The following NLRP11 variants were observed in gnomAD, a reference collection of about 807,000 sequenced individuals.
NLRP11 encodes NLR family pyrin domain containing 11.
In NLRP11, 53 loss-of-function variants were observed where a neutral mutation model predicts 79.3. That is an observed-to-expected ratio of 0.67 (90% CI 0.54 to 0.84). The LOEUF (loss-of-function observed/expected upper bound fraction) is 0.84, where lower values mean the gene tolerates loss of function less well. NLRP11 is among the 40% of genes least tolerant of loss of function. NLRP11 has a pLI of 0.00. For synonymous variants in NLRP11, 518 were observed against 462.6 expected (o/e 1.12, Z -1.54); for missense variants, 1,264 against 1,255.0 (o/e 1.01, Z -0.11).
chr19:55,823,086 C>T lies in NLRP11; in HGVS notation c.-62-4850G>A, dbSNP rs550640371. On this transcript the variant is annotated intron_variant, in intron 1 of 9. Coordinates refer to ENST00000589093, the Ensembl canonical transcript of NLRP11. ...GATCTGAGAACCAGCAGACTGCCTC[C>T]TCAAGTGGGTCCCTGACCCCTGACC... is the stretch of plus-strand genomic sequence containing the variant. Among the ~76,000 whole-genome samples the T allele has an allele frequency of 1.6e-4, 24 of 147,858 alleles. 3 individuals carry two copies. The highest frequency in any genetic ancestry group is 5.7e-4 in the African/African-American group (22 of 38,922).
chr19:55,810,373 C>T (rs766722780), intron 2 of NLRP11, 35 bp from the exon 3 acceptor site: 3 of 1,544,246 alleles, frequency 1.9e-6, no homozygotes, highest in Admixed American at 2.1e-5. Context: ...AAATACAGAA[C>T]AAAGATGAAA....
At chr19:55,833,947 A>G (rs1225654530), upstream of NLRP11, among the ~76,000 whole-genome samples, 3 of 148,274 alleles carry the variant, frequency 2.0e-5, no homozygotes, top group Non-Finnish European at 4.4e-5. Flanking sequence ...TTGTATTTAA[A>G]TGAAAAAAAA....
At chr19:55,804,474 T>G (rs1425628213) in intron 4 of NLRP11, among the ~76,000 whole-genome samples, 1 of 151,778 alleles carries the variant, frequency 6.6e-6, no homozygotes, top group African/African-American at 2.4e-5. Context: ...AATATGGAGT[T>G]GGAGGCCATT....
chr19:55,789,623 T>C (rs1990118194), intron 7 of NLRP11, among the ~76,000 whole-genome samples: 1 of 152,246 alleles, frequency 6.6e-6, no homozygotes, highest in South Asian at 2.1e-4. Context: ...GCTCTTATCC[T>C]GGTTTTACAA....
In NLRP11 at chr19:55,809,461, T is replaced by G. The variant is rs749922171; in HGVS notation, c.1149A>C (p.Gly383=). ...CTAGGTGATACTGATTGGCAGTAAGTCCAGCCTCTGATGTCAACGCATCAG... is the reference window on the plus strand; with the variant it reads ...CTAGGTGATACTGATTGGCAGTAAGGCCAGCCTCTGATGTCAACGCATCAG... Residue 383 remains glycine (G), a synonymous_variant, in exon 3 of 10, where the codon GGA becomes GGC. Coordinates refer to ENST00000589093, the Ensembl canonical transcript of NLRP11. The surrounding 1 kb of genome is among the most constrained non-coding windows in gnomAD (Gnocchi z 4.5). The G allele has an allele frequency of 6.2e-7, 1 of 1,614,148 alleles. No homozygotes were observed. Among genetic ancestry groups the G allele is most frequent in the Non-Finnish European group, 8.5e-7 (1 of 1,180,016 alleles).
chr19:55,795,972 G>T, intron 6 of NLRP11, 108 bp downstream of exon 6: 4 of 977,622 alleles, frequency 4.1e-6, no homozygotes, highest in Non-Finnish European at 6.2e-6. Context: ...TGTGCTTTCG[G>T]CTGCTTTGCT....
At chr19:55,803,335 G>A (rs562149743) in intron 4 of NLRP11, among the ~76,000 whole-genome samples, 111 of 152,108 alleles carry the variant, frequency 7.3e-4, no homozygotes, top group African/African-American at 2.2e-3. Context: ...GCAAGATTCC[G>A]TTATAAAAAC....
chr19:55,797,939 G>T (rs950078617), intron 5 of NLRP11, among the ~76,000 whole-genome samples: 5 of 152,068 alleles, frequency 3.3e-5, no homozygotes, highest in Non-Finnish European at 7.4e-5. Context: ...ATAAACAGGA[G>T]ATGGGGAGAG....
chr19:55,823,072 C>A (rs12986375), intron 1 of NLRP11, among the ~76,000 whole-genome samples: 19 of 147,894 alleles, frequency 1.3e-4, no homozygotes, highest in South Asian at 4.3e-4. Flanking sequence ...ATCTGAGAAC[C>A]AGCAGACTGC....
intron 4 of NLRP11, among the ~76,000 whole-genome samples, chr19:55,803,428 A>G (rs1390866813): frequency 6.6e-6 from 1 of 152,214 alleles, no homozygotes; most frequent in East Asian, 1.9e-4. Flanking sequence ...GAAGATACCA[A>G]GAACAATTGC....
chr19:55,807,990 C>G, exon 4 of NLRP11: 1 of 1,609,914 alleles, frequency 6.2e-7, no homozygotes, highest in Non-Finnish European at 8.5e-7. Context: ...AGATCTCTCT[C>G]CAGTAGACAA....
intron 2 of NLRP11, among the ~76,000 whole-genome samples, chr19:55,817,673 A>G (rs1981267840): frequency 6.6e-6 from 1 of 152,130 alleles, no homozygotes; most frequent in South Asian, 2.1e-4. Context: ...CTCGGCGGGA[A>G]GTGTGAGAGG....
intron 7 of NLRP11, 67 bp from the exon 8 acceptor site, chr19:55,789,466 T>TA: frequency 6.9e-7 from 1 of 1,443,724 alleles, no homozygotes; most frequent in Non-Finnish European, 9.5e-7. Flanking sequence ...CACAGAGTGT[T>TA]AAGCATTCTT....
exon 5 of NLRP11, chr19:55,801,573 T>A (rs1293986381): frequency 6.2e-6 from 10 of 1,613,862 alleles, no homozygotes; most frequent in Non-Finnish European, 8.5e-6. Flanking sequence ...ACAACTCACC[T>A]CAGATGACTT....
exon 2 of NLRP11, chr19:55,817,930 C>A: frequency 6.2e-7 from 1 of 1,609,590 alleles, no homozygotes. Context: ...GATCTTCCTA[C>A]AAAGATCTTC....
At chr19:55,803,002 T>C (rs1344452552) in intron 4 of NLRP11, among the ~76,000 whole-genome samples, 2 of 152,082 alleles carry the variant, frequency 1.3e-5, no homozygotes, top group Admixed American at 1.3e-4. Context: ...TCACACCACA[T>C]ACAAAAACCA....
At chr19:55,792,571 A>G in intron 6 of NLRP11, 100 bp from the exon 7 acceptor site, 1 of 813,890 alleles carries the variant, frequency 1.2e-6, no homozygotes, top group South Asian at 1.6e-5. Context: ...GATGCCTTCT[A>G]CTGCCATTGC....
At chr19:55,785,709 A>G in exon 10 of NLRP11, 1 of 1,614,044 alleles carries the variant, frequency 6.2e-7, no homozygotes, top group Non-Finnish European at 8.5e-7. Flanking sequence ...AATCCAAATT[A>G]GAATTAGGTA....
At chr19:55,797,743 A>T (rs552311578) in intron 5 of NLRP11, among the ~76,000 whole-genome samples, 1 of 152,294 alleles carries the variant, frequency 6.6e-6, no homozygotes, top group South Asian at 2.1e-4. Flanking sequence ...AGAGGACAGA[A>T]GAGTCAGAAG....
Sources: gnomAD v4.1 joint callset for allele counts (sites outside exome capture counted in the v4.1 genomes callset) on GRCh38, gnomAD v4.1.1 for gene constraint, Gnocchi (gnomAD v3.1) non-coding constraint, MANE v1.5 for transcripts, NCBI Gene and HGNC (gene_info 2026-07-23, HGNC 2026-07-21) for gene names.